The following CDKAL1 variants were observed in gnomAD, a reference collection of about 807,000 sequenced individuals.
CDKAL1 encodes threonylcarbamoyladenosine tRNA methylthiotransferase.
A neutral mutation model predicts 68.2 loss-of-function variants in CDKAL1; 32 were observed. The ratio of observed to expected loss-of-function variants is 0.47; its 90% CI spans 0.35 to 0.63. The LOEUF (loss-of-function observed/expected upper bound fraction) is 0.63. CDKAL1 is among the 30% of genes least tolerant of loss of function. The probability of loss-of-function intolerance (pLI) is 0.00; values close to 1 mark genes in which losing one functional copy is unlikely to be tolerated. For missense variants in CDKAL1, 606 were observed against 696.7 expected, an observed-to-expected ratio of 0.87 and a Z score of 1.47; for synonymous variants, 234 against 244.3, an observed-to-expected ratio of 0.96 and a Z score of 0.39.
intron 15 of CDKAL1, among the ~76,000 whole-genome samples, chr6:21,230,452 A>G (rs997474661): frequency 6.6e-6 from 1 of 152,190 alleles, no homozygotes; most frequent in Non-Finnish European, 1.5e-5. Flanking sequence ...GTGAGCCACC[A>G]CACCTGGCCC....
At chr6:20,715,541 T>C (rs1464475066) in intron 5 of CDKAL1, among the ~76,000 whole-genome samples, 1 of 152,174 alleles carries the variant, frequency 6.6e-6, no homozygotes, top group East Asian at 1.9e-4. Context: ...TTTTATGAAG[T>C]GGTGATTTCA....
intron 12 of CDKAL1, among the ~76,000 whole-genome samples, chr6:21,088,815 G>A (rs1430700013): frequency 2.6e-5 from 4 of 152,042 alleles, no homozygotes; most frequent in Non-Finnish European, 5.9e-5. Context: ...TATGGCAGGC[G>A]CCTGTAATCC....
chr6:21,047,251 A>G (rs527598911), intron 11 of CDKAL1, among the ~76,000 whole-genome samples: 2 of 152,264 alleles, frequency 1.3e-5, no homozygotes, highest in African/African-American at 4.8e-5. Flanking sequence ...TTTGTAGATG[A>G]CAGCTTCTCT....
chr6:21,162,365 C>A (rs1776962970), intron 13 of CDKAL1, among the ~76,000 whole-genome samples: 1 of 152,154 alleles, frequency 6.6e-6, no homozygotes, highest in African/African-American at 2.4e-5. Context: ...TGTTCCCCAA[C>A]AAAAGCAATA....
intron 4 of CDKAL1, among the ~76,000 whole-genome samples, chr6:20,616,290 T>G (rs574030722): frequency 4.6e-5 from 7 of 151,520 alleles, no homozygotes; most frequent in Non-Finnish European, 8.8e-5. Flanking sequence ...ATATGAACTT[T>G]AAAGTAGTTT....
intron 8 of CDKAL1, among the ~76,000 whole-genome samples, chr6:20,805,107 G>A (rs2150411529): frequency 6.6e-6 from 1 of 152,296 alleles, no homozygotes; most frequent in South Asian, 2.1e-4. Flanking sequence ...ATGTATGTGT[G>A]TTACTGCATT....
intron 11 of CDKAL1, among the ~76,000 whole-genome samples, chr6:21,014,958 G>T (rs1458847501): frequency 1.3e-5 from 2 of 152,214 alleles, no homozygotes; most frequent in East Asian, 1.9e-4. Flanking sequence ...TGTTATTTCA[G>T]TTTTTTCACA....
At chr6:21,022,912 A>ATAT (rs1159812813) in intron 11 of CDKAL1, among the ~76,000 whole-genome samples, 3 of 152,192 alleles carry the variant, frequency 2.0e-5, no homozygotes, top group Non-Finnish European at 4.4e-5. Flanking sequence ...CAGAGAACTC[A>ATAT]TATTGTCCAA....
intron 10 of CDKAL1, among the ~76,000 whole-genome samples, chr6:20,982,150 T>C (rs997481018): frequency 2.0e-5 from 3 of 151,936 alleles, no homozygotes; most frequent in South Asian, 4.2e-4. Context: ...CATTGCAACC[T>C]CCACCTCCCG....
intron 13 of CDKAL1, among the ~76,000 whole-genome samples, chr6:21,134,841 T>G (rs1775504081): frequency 6.6e-6 from 1 of 152,120 alleles, no homozygotes; most frequent in African/African-American, 2.4e-5. Flanking sequence ...AAAAAATAAT[T>G]TCAGAAGTAA....
intron 5 of CDKAL1, among the ~76,000 whole-genome samples, chr6:20,695,966 C>T (rs754988382): frequency 6.6e-6 from 1 of 152,166 alleles, no homozygotes; most frequent in Non-Finnish European, 1.5e-5. Context: ...CTGGTAACGA[C>T]GATTCTACTT....
chr6:20,668,118 T>C (rs1769640283), intron 5 of CDKAL1, among the ~76,000 whole-genome samples: 1 of 151,534 alleles, frequency 6.6e-6, no homozygotes, highest in Non-Finnish European at 1.5e-5. Context: ...CTTCCTCCAA[T>C]TGTGTATCCT....
In CDKAL1 at chr6:20,618,833, C is replaced by T. The variant is rs150890910; in HGVS notation, c.287-30460C>T. On this transcript the variant is annotated intron_variant, in intron 4 of 15. Transcript: ENST00000274695. ...AGCTAGGACCACAGGCACGTGCCACCACACCTACCTAATTTTTGTATTTTT... is the reference window on the plus strand; with the variant it reads ...AGCTAGGACCACAGGCACGTGCCACTACACCTACCTAATTTTTGTATTTTT... Among the ~76,000 whole-genome samples the T allele has an allele frequency of 5.9e-3, 892 of 152,212 alleles. 4 individuals are homozygous for T. Among genetic ancestry groups the T allele is most frequent in the Non-Finnish European group, 8.0e-3 (547 of 68,008 alleles).
At chr6:20,595,246 A>G (rs1465527776) in intron 4 of CDKAL1, among the ~76,000 whole-genome samples, 1 of 152,130 alleles carries the variant, frequency 6.6e-6, no homozygotes, top group Non-Finnish European at 1.5e-5. Context: ...GTTCTCCTGG[A>G]TAGTATCCTG....
chr6:20,621,628 T>C (rs1307653686), intron 4 of CDKAL1, among the ~76,000 whole-genome samples: 4 of 152,314 alleles, frequency 2.6e-5, no homozygotes, highest in East Asian at 1.9e-4. Context: ...TGTGGAGACA[T>C]AGATATTTAT....
intron 11 of CDKAL1, among the ~76,000 whole-genome samples, chr6:21,062,314 CTT>C (rs1412202209): frequency 6.6e-6 from 1 of 152,152 alleles, no homozygotes; most frequent in Non-Finnish European, 1.5e-5. Flanking sequence ...TGATCCATAA[CTT>C]TTATTTTTAG....
At chr6:20,892,886 G>A (rs1396919095) in intron 9 of CDKAL1, among the ~76,000 whole-genome samples, 1 of 152,152 alleles carries the variant, frequency 6.6e-6, no homozygotes, top group Non-Finnish European at 1.5e-5. Context: ...TTAAACTGAG[G>A]CAAAGTCAAG....
intron 6 of CDKAL1, among the ~76,000 whole-genome samples, chr6:20,748,647 G>T (rs1419974161): frequency 7.1e-6 from 1 of 141,398 alleles, no homozygotes; most frequent in African/African-American, 2.6e-5. Context: ...ACACATAGAC[G>T]AATGGGAACA....
chr6:20,913,140 CACACACACACACACACACAT>C (rs1762547636), intron 9 of CDKAL1, among the ~76,000 whole-genome samples: 1 of 150,002 alleles, frequency 6.7e-6, no homozygotes, highest in African/African-American at 2.5e-5. Context: ...CACACACACA[CACACACACACACACACACAT>C]TACCACAAAT....
Sources: allele counts gnomAD v4.1 joint callset (sites outside exome capture counted in the v4.1 genomes callset), GRCh38; gene constraint gnomAD v4.1.1; transcripts MANE v1.5; gene names NCBI Gene and HGNC (gene_info 2026-07-23, HGNC 2026-07-21).